Variants in TMTC2 observed in about 807,000 individuals in gnomAD.
The protein encoded by TMTC2 is protein O-mannosyl-transferase TMTC2.
In TMTC2, 43 loss-of-function variants were observed where a neutral mutation model predicts 82.4. The ratio of observed to expected loss-of-function variants is 0.52; its 90% CI spans 0.41 to 0.67. The LOEUF is 0.67. Among genes scored for constraint, TMTC2 ranks in the 30% least tolerant of loss-of-function variants. The probability of loss-of-function intolerance (pLI) is 0.00; values close to 1 mark genes in which losing one functional copy is unlikely to be tolerated. For missense variants in TMTC2, 919 were observed against 1,012.4 expected (o/e 0.91, Z 1.25); for synonymous variants, 408 against 381.9 (o/e 1.07, Z -0.80).
At chr12:82,701,759 CAA>C (rs1303971501) in intron 1 of TMTC2, among the ~76,000 whole-genome samples, 5 of 94,894 alleles carry the variant, frequency 5.3e-5, no homozygotes, top group Admixed American at 1.1e-4. Context: ...AACTCCGTCT[CAA>C]AAAAAAAAAA....
At chr12:82,726,863 T>G (rs1282435028) in intron 1 of TMTC2, among the ~76,000 whole-genome samples, 1 of 121,592 alleles carries the variant, frequency 8.2e-6, no homozygotes, top group Non-Finnish European at 1.6e-5. Flanking sequence ...TGGGCGAGAG[T>G]GCAAGACTCT....
At chr12:82,775,806 C>A (rs1471722466) in intron 1 of TMTC2, among the ~76,000 whole-genome samples, 2 of 151,970 alleles carry the variant, frequency 1.3e-5, no homozygotes, top group Non-Finnish European at 2.9e-5. Flanking sequence ...ATGTACCAAC[C>A]CATATCTAGT....
intron 8 of TMTC2, among the ~76,000 whole-genome samples, chr12:82,991,580 A>T (rs1879405850): frequency 6.6e-6 from 1 of 152,162 alleles, no homozygotes; most frequent in African/African-American, 2.4e-5. Flanking sequence ...CCATGTTTAA[A>T]TATAGTTGGA....
chr12:82,937,767 T>TACATATATATATATATAC (rs1565818317), intron 4 of TMTC2, among the ~76,000 whole-genome samples: 4 of 20,344 alleles, frequency 2.0e-4, no homozygotes, highest in South Asian at 2.1e-3. Flanking sequence ...TATATATATA[T>TACATATATATATATATAC]ATATATATAT....
intron 1 of TMTC2, among the ~76,000 whole-genome samples, chr12:82,714,524 T>C (rs1286786115): frequency 2.0e-5 from 3 of 152,150 alleles, no homozygotes; most frequent in Admixed American, 6.5e-5. Flanking sequence ...ATTTCTATGC[T>C]AGTGTTTCAG....
intron 1 of TMTC2, among the ~76,000 whole-genome samples, chr12:82,802,270 T>C (rs1397585874): frequency 6.6e-6 from 1 of 152,132 alleles, no homozygotes; most frequent in African/African-American, 2.4e-5. Context: ...CAGCTCTGAG[T>C]GCAGGCCGCT....
intron 1 of TMTC2, among the ~76,000 whole-genome samples, chr12:82,800,437 T>G (rs898759623): frequency 2.0e-4 from 30 of 152,206 alleles, no homozygotes; most frequent in Non-Finnish European, 4.1e-4. Flanking sequence ...ACAGTTGTTC[T>G]CAGCACTCAG....
Position 82,694,869 on chromosome 12 carries a change from G to A in TMTC2, c.83+7200G>A, listed in dbSNP as rs12306643. On this transcript the variant is annotated intron_variant, in intron 1 of 11. Coordinates refer to ENST00000321196, the MANE Select transcript of TMTC2 (RefSeq NM_152588.3). ...GTATAAAAAATTGCCTTGCGGTAAC[G>A]GAATTGATTGAGATTTGAAACCGAA... Among the ~76,000 whole-genome samples, 405 of 152,048 alleles carry A rather than the reference G, an allele frequency of 2.7e-3. 3 individuals are homozygous for A. The highest frequency in any genetic ancestry group is 9.5e-3 in the African/African-American group (392 of 41,480).
At chr12:82,879,107 A>G (rs1592596601) in intron 2 of TMTC2, among the ~76,000 whole-genome samples, 2 of 152,178 alleles carry the variant, frequency 1.3e-5, no homozygotes, top group Non-Finnish European at 2.9e-5. Context: ...GTCTCCTAGC[A>G]TTGACCAATC....
intron 2 of TMTC2, among the ~76,000 whole-genome samples, chr12:82,872,005 A>ACCCCCCCCCCCCCCCCC (rs61305687): frequency 4.2e-5 from 4 of 95,696 alleles, no homozygotes; most frequent in Admixed American, 2.6e-4. Context: ...GTTGAACAAC[A>ACCCCCCCCCCCCCCCCC]CCCCCCCCCC....
chr12:82,889,716 A>G (rs1328078581), intron 2 of TMTC2, among the ~76,000 whole-genome samples: 1 of 152,288 alleles, frequency 6.6e-6, no homozygotes, highest in African/African-American at 2.4e-5. Flanking sequence ...TTCACCAGTC[A>G]TGCTGTTATA....
chr12:82,755,655 T>C lies in TMTC2; in HGVS notation c.83+67986T>C, dbSNP rs577371703. Among the ~76,000 whole-genome samples, 429 of 152,320 alleles carry C rather than the reference T, an allele frequency of 2.8e-3. 3 individuals are homozygous for C. Among genetic ancestry groups the C allele is most frequent in the African/African-American group, 1.0e-2 (415 of 41,568 alleles). ...GATACAGAATCCTGAGGACCTAGTC[T>C]GAATACCTGATCAGTTAGGCAAGCC... On this transcript the variant is annotated intron_variant, in intron 1 of 11. Coordinates refer to ENST00000321196, the MANE Select transcript of TMTC2 (RefSeq NM_152588.3).
Position 83,132,238 on chromosome 12 carries a change from C to G in TMTC2, c.2360C>G (p.Ala787Gly). ...NYPAALMNLG[A>G]ILHLNGRLQK... is the part of the protein sequence containing the mutation. ...CCGGCTGCTTTGATGAACCTGGGAG[C>G]CATTCTGCACCTCAATGGCAGACTC... is the stretch of plus-strand genomic sequence containing the variant. Residue 787 changes from alanine (A) to glycine (G), a missense_variant, in exon 12 of 12, where the codon GCC becomes GGC. Ala to Gly is a moderately conservative substitution (Grantham distance 60). Transcript: ENST00000321196. 1 of 1,612,702 alleles carries G rather than the reference C, an allele frequency of 6.2e-7. No homozygotes were observed. The highest frequency in any genetic ancestry group is 8.5e-7 in the Non-Finnish European group (1 of 1,179,478).
chr12:83,012,038 G>C (rs1029342347), intron 8 of TMTC2, among the ~76,000 whole-genome samples: 2 of 152,086 alleles, frequency 1.3e-5, no homozygotes, highest in African/African-American at 4.8e-5. Flanking sequence ...ACACATCACT[G>C]TCCTTCCCTA....
At chr12:83,120,628 C>T (rs531170479) in intron 11 of TMTC2, among the ~76,000 whole-genome samples, 1 of 152,130 alleles carries the variant, frequency 6.6e-6, no homozygotes, top group Non-Finnish European at 1.5e-5. Context: ...GACAGTGTGC[C>T]TAGGTGATGA....
intron 1 of TMTC2, among the ~76,000 whole-genome samples, chr12:82,833,976 G>T (rs1439382988): frequency 6.6e-6 from 1 of 152,172 alleles, no homozygotes; most frequent in African/African-American, 2.4e-5. Context: ...TTAAAAACTT[G>T]TGGACTTTGG....
Position 83,133,433 on chromosome 12 carries a change from G to A in TMTC2, c.*1044G>A, listed in dbSNP as rs1229937234. 2.6e-5 allele frequency: 4 copies of A among 152,148 alleles called. No individual in the cohort carries two copies. Among genetic ancestry groups the A allele is most frequent in the Non-Finnish European group, 5.9e-5 (4 of 68,024 alleles). The allele number at this position is 152,148 out of a possible 1,614,324, so 9.4% of individuals were successfully genotyped here. ...TATCGAATGTTAATCACTTTCTAAT[G>A]GGTACCTAAACAGCAATGCTGATAA... On this transcript the variant is annotated 3_prime_UTR_variant, in exon 12 of 12. Coordinates refer to ENST00000321196, the MANE Select transcript of TMTC2 (RefSeq NM_152588.3).
chr12:83,030,762 C>A (rs1881396367), intron 8 of TMTC2, 36 bp from the exon 9 acceptor site: 3 of 1,498,502 alleles, frequency 2.0e-6, no homozygotes, highest in Admixed American at 3.3e-5. Flanking sequence ...CCCTCATGAT[C>A]TGTTCCTGAA....
At chr12:82,846,939 C>T (rs140803479) in intron 1 of TMTC2, among the ~76,000 whole-genome samples, 15 of 152,156 alleles carry the variant, frequency 9.9e-5, no homozygotes, top group Middle Eastern at 3.4e-3. Context: ...TTGTCCAAAG[C>T]GTAGTGCCTT....
Sources: gnomAD v4.1 joint callset for allele counts (sites outside exome capture counted in the v4.1 genomes callset) on GRCh38, gnomAD v4.1.1 for gene constraint, MANE v1.5 for transcripts, NCBI Gene and HGNC (gene_info 2026-07-23, HGNC 2026-07-21) for gene names.